CCDC171: variants seen among roughly 807,000 people sequenced by gnomAD.
CCDC171 encodes the protein coiled-coil domain-containing protein 171.
In CCDC171, 177 loss-of-function variants were observed where a neutral mutation model predicts 168.2. The observed-to-expected ratio is 1.05, with a 90% confidence interval of 0.93 to 1.19. The LOEUF is 1.19. Among genes scored for constraint, CCDC171 ranks in the 50% most tolerant of loss-of-function variants. The pLI is 0.00. For missense variants in CCDC171, 1,991 were observed against 1,539.0 expected (o/e 1.29, Z -4.91); for synonymous variants, 687 against 540.8 (o/e 1.27, Z -3.75).
chr9:15,918,622 T>C (rs1702598926), intron 24 of CCDC171, among the ~76,000 whole-genome samples: 1 of 151,616 alleles, frequency 6.6e-6, no homozygotes, highest in South Asian at 2.1e-4. Flanking sequence ...CTTGAAATGA[T>C]TCAAAGGAAG....
chr9:16,073,977 G>A, the CCDC171 span, among the ~76,000 whole-genome samples: 1 of 152,150 alleles, frequency 6.6e-6, no homozygotes, highest in Admixed American at 6.5e-5. Context: ...ATGCCTCTAA[G>A]GCCAGAGCCC....
intron 6 of CCDC171, among the ~76,000 whole-genome samples, chr9:15,620,278 T>C (rs557425582): frequency 2.6e-4 from 39 of 152,336 alleles, no homozygotes; most frequent in African/African-American, 8.9e-4. Flanking sequence ...TTGAAAACTT[T>C]CTGGAAAGGA....
intron 7 of CCDC171, among the ~76,000 whole-genome samples, chr9:15,634,650 A>G (rs1353150097): frequency 6.6e-6 from 1 of 152,174 alleles, no homozygotes. Context: ...CACTTTATAG[A>G]GATGTAATTT....
intron 6 of CCDC171, among the ~76,000 whole-genome samples, chr9:15,602,753 G>A (rs1422533584): frequency 6.7e-6 from 1 of 149,862 alleles, no homozygotes; most frequent in Non-Finnish European, 1.5e-5. Flanking sequence ...CGCCTCCCGG[G>A]TTTAAGCGAT....
intron 21 of CCDC171, among the ~76,000 whole-genome samples, chr9:15,838,990 T>C (rs1302967801): frequency 2.6e-5 from 4 of 152,180 alleles, no homozygotes; most frequent in Non-Finnish European, 5.9e-5. Context: ...AAAGGAAAGG[T>C]AAATAAGTCC....
At chr9:15,996,152 T>C (rs375161870) in intron 3 of CCDC171, among the ~76,000 whole-genome samples, 84 of 152,338 alleles carry the variant, frequency 5.5e-4, no homozygotes, top group African/African-American at 1.9e-3. Context: ...CTTTTCTCTT[T>C]TTCTTTTCAC....
intron 7 of CCDC171, among the ~76,000 whole-genome samples, chr9:15,647,384 C>G (rs906742896): frequency 3.3e-5 from 5 of 151,928 alleles, no homozygotes; most frequent in African/African-American, 1.2e-4. Context: ...TAGCAGAAGG[C>G]AAGACATAAC....
chr9:15,903,606 A>G (rs1284168836), intron 24 of CCDC171, among the ~76,000 whole-genome samples: 1 of 152,196 alleles, frequency 6.6e-6, no homozygotes, highest in East Asian at 1.9e-4. Context: ...TGGAAACTCT[A>G]AAAATCAGAG....
chr9:15,852,821 G>A (rs556159376), intron 23 of CCDC171, among the ~76,000 whole-genome samples: 1 of 151,542 alleles, frequency 6.6e-6, no homozygotes, highest in East Asian at 1.9e-4. Flanking sequence ...AGCACCATTT[G>A]TTGAAAAGGA....
chr9:15,858,920 T>C (rs897302361), intron 23 of CCDC171, among the ~76,000 whole-genome samples: 4 of 152,092 alleles, frequency 2.6e-5, no homozygotes, highest in African/African-American at 9.7e-5. Flanking sequence ...TTCAGTGATA[T>C]GTTGAATACA....
At chr9:15,975,295 G>C (rs1282325690), downstream of CCDC171, among the ~76,000 whole-genome samples, 6 of 152,114 alleles carry the variant, frequency 3.9e-5, no homozygotes, top group Admixed American at 1.3e-4. Flanking sequence ...TAAGCCTAGA[G>C]CTGCAATTCC....
intron 21 of CCDC171, among the ~76,000 whole-genome samples, chr9:15,825,545 TG>T (rs2059976880): frequency 6.6e-6 from 1 of 152,162 alleles, no homozygotes; most frequent in African/African-American, 2.4e-5. Context: ...TAGAAAGTTT[TG>T]GAGTCAGAAC....
chr9:15,661,587 G>A (rs914250868), intron 8 of CCDC171, among the ~76,000 whole-genome samples: 3 of 152,030 alleles, frequency 2.0e-5, no homozygotes, highest in Non-Finnish European at 4.4e-5. Context: ...ACTACCTTTC[G>A]GTTTCAGAGC....
At chr9:15,907,246 G>T (rs1822810195) in intron 24 of CCDC171, among the ~76,000 whole-genome samples, 1 of 152,122 alleles carries the variant, frequency 6.6e-6, no homozygotes, top group African/African-American at 2.4e-5. Flanking sequence ...CATGCTACCT[G>T]ACTTCAAACT....
intron 7 of CCDC171, among the ~76,000 whole-genome samples, chr9:15,625,638 AAT>A (rs2045011790): frequency 6.6e-6 from 1 of 152,134 alleles, no homozygotes; most frequent in African/African-American, 2.4e-5. Context: ...GATGTGTGCT[AAT>A]ATTTCTGAGG....
chr9:15,811,696 C>T (rs896277906), intron 21 of CCDC171, among the ~76,000 whole-genome samples: 1 of 152,122 alleles, frequency 6.6e-6, no homozygotes, highest in African/African-American at 2.4e-5. Context: ...TAGGAGACCT[C>T]AGATTCTGTT....
At chr9:16,001,071 G>T (rs1402873341) in intron 3 of CCDC171, among the ~76,000 whole-genome samples, 2 of 152,154 alleles carry the variant, frequency 1.3e-5, no homozygotes, top group African/African-American at 4.8e-5. Flanking sequence ...ATATTGGAAA[G>T]CTAATGCATT....
In CCDC171 at chr9:15,868,299, C is replaced by A. The variant is rs544344079; in HGVS notation, c.3469-6233C>A. On this transcript the variant is annotated intron_variant, in intron 23 of 25. Transcript: ENST00000380701. ...GCTTGCTGCAGTGCCAATGGAATGC[C>A]TGCTTCTGCTGAGAGAGTGTCAAGG... 3.3e-5 allele frequency among the ~76,000 whole-genome samples: 5 copies of A among 152,168 alleles called. No homozygotes were observed. In the South Asian group the frequency reaches 1.0e-3, roughly 32 times the overall value.
chr9:16,087,557 C>CTTT, the CCDC171 span, among the ~76,000 whole-genome samples: 309 of 78,744 alleles, frequency 3.9e-3, 3 homozygotes, highest in African/African-American at 9.7e-3. Context: ...GCAACTCCTG[C>CTTT]TTTTTTTTTT....
Sources: gnomAD v4.1 joint callset for allele counts (sites outside exome capture counted in the v4.1 genomes callset) on GRCh38, gnomAD v4.1.1 for gene constraint, MANE v1.5 for transcripts, NCBI Gene and HGNC (gene_info 2026-07-23, HGNC 2026-07-21) for gene names.